Variants in EFCAB8 observed in about 807,000 individuals in gnomAD.
The protein encoded by EFCAB8 is EF-hand calcium binding domain 8, also known as EF-hand calcium-binding domain-containing protein 8.
A neutral mutation model predicts 116.3 loss-of-function variants in EFCAB8; 100 were observed. The ratio of observed to expected loss-of-function variants is 0.86; its 90% CI spans 0.73 to 1.02. The LOEUF is 1.02. Among genes scored for constraint, EFCAB8 ranks in the 50% least tolerant of loss-of-function variants. The pLI, the probability that EFCAB8 is intolerant of heterozygous loss-of-function variation, is 0.00. For missense variants in EFCAB8, 1,320 were observed against 1,416.9 expected (o/e 0.93, Z 1.10); for synonymous variants, 558 against 567.9 (o/e 0.98, Z 0.25).
intron 5 of EFCAB8, among the ~76,000 whole-genome samples, chr20:32,883,900 G>A (rs1339271848): frequency 2.6e-5 from 4 of 152,004 alleles, no homozygotes; most frequent in East Asian, 3.9e-4. Context: ...CACGTTGGCC[G>A]GGCTGGTCTT....
intron 11 of EFCAB8, among the ~76,000 whole-genome samples, chr20:32,901,085 C>A (rs1986404969): frequency 6.6e-6 from 1 of 152,234 alleles, no homozygotes; most frequent in Non-Finnish European, 1.5e-5. Context: ...AAAAAGGGGC[C>A]TCCGGGAATG....
chr20:32,953,392 G>A (rs1316200675), intron 23 of EFCAB8, among the ~76,000 whole-genome samples: 1 of 152,126 alleles, frequency 6.6e-6, no homozygotes, highest in East Asian at 1.9e-4. Context: ...CATTTTTTGA[G>A]GAACCTCCAT....
chr20:32,950,839 T>C (rs988099530), intron 23 of EFCAB8, among the ~76,000 whole-genome samples: 1 of 152,186 alleles, frequency 6.6e-6, no homozygotes, highest in African/African-American at 2.4e-5. Flanking sequence ...TCTGCTCTTT[T>C]TGGCTGCTTG....
At chr20:32,863,712 C>G in intron 1 of EFCAB8, 71 bp from the exon 2 acceptor site, 1 of 1,469,026 alleles carries the variant, frequency 6.8e-7, no homozygotes, top group Non-Finnish European at 9.2e-7. Flanking sequence ...TTTCTGTGAC[C>G]TGGCTAAGTC....
chr20:32,950,296 C>T (rs956664860), intron 23 of EFCAB8, among the ~76,000 whole-genome samples: 4 of 152,106 alleles, frequency 2.6e-5, no homozygotes, highest in Non-Finnish European at 4.4e-5. Flanking sequence ...GATAAAGCTC[C>T]TATTTAGAAT....
intron 13 of EFCAB8, 115 bp from the exon 14 acceptor site, chr20:32,908,160 G>C: frequency 4.9e-6 from 5 of 1,022,374 alleles, no homozygotes; most frequent in Non-Finnish European, 6.3e-6. Flanking sequence ...TGTTAGAAGT[G>C]CTTGGACGGA....
chr20:32,887,761 C>G (rs1408165234), intron 6 of EFCAB8, among the ~76,000 whole-genome samples: 3 of 152,256 alleles, frequency 2.0e-5, no homozygotes, highest in Admixed American at 2.0e-4. Flanking sequence ...TGTCTGTGCA[C>G]ATGCTACACG....
intron 10 of EFCAB8, 149 bp from the exon 11 acceptor site, chr20:32,898,344 G>A (rs1986263889): frequency 3.4e-6 from 2 of 580,864 alleles, no homozygotes; most frequent in Non-Finnish European, 6.3e-6. Flanking sequence ...GGATTGCGGG[G>A]CCACATCACT....
intron 20 of EFCAB8, among the ~76,000 whole-genome samples, chr20:32,923,002 G>C (rs1028189246): frequency 6.6e-6 from 1 of 152,138 alleles, no homozygotes; most frequent in African/African-American, 2.4e-5. Flanking sequence ...TGGGCAACAT[G>C]ATGAGACCTC....
chr20:32,901,714 G>A (rs1986437116), intron 11 of EFCAB8, among the ~76,000 whole-genome samples: 2 of 152,248 alleles, frequency 1.3e-5, no homozygotes, highest in South Asian at 2.1e-4. Flanking sequence ...TTGAGACAGA[G>A]TCTTGCTGCA....
chr20:32,886,790 T>C (rs570820841), intron 6 of EFCAB8, among the ~76,000 whole-genome samples: 1 of 152,328 alleles, frequency 6.6e-6, no homozygotes, highest in Admixed American at 6.5e-5. Flanking sequence ...GCCTGGATTC[T>C]TCCTGGAGGG....
intron 11 of EFCAB8, among the ~76,000 whole-genome samples, chr20:32,906,216 A>G (rs963235477): frequency 3.3e-5 from 5 of 152,124 alleles, no homozygotes; most frequent in African/African-American, 1.2e-4. Context: ...TGATGTGAAA[A>G]TCAAATTTGC....
At chr20:32,875,476 A>G (rs1984913584) in intron 3 of EFCAB8, among the ~76,000 whole-genome samples, 2 of 145,158 alleles carry the variant, frequency 1.4e-5, no homozygotes, top group Non-Finnish European at 3.0e-5. Context: ...ACTGCCTTGA[A>G]CTGAGCACAC....
chr20:32,867,801 C>A, intron 3 of EFCAB8, 54 bp downstream of exon 3: 3 of 1,524,126 alleles, frequency 2.0e-6, no homozygotes, highest in Non-Finnish European at 2.7e-6. Context: ...CAGGGCAGGA[C>A]CGAGTACCTG....
chr20:32,868,149 A>G (rs1984518598), intron 3 of EFCAB8, among the ~76,000 whole-genome samples: 1 of 151,934 alleles, frequency 6.6e-6, no homozygotes, highest in African/African-American at 2.4e-5. Flanking sequence ...GTCTGGGACT[A>G]CTGGGCTCAA....
At chr20:32,886,349 G>A (rs1985629023) in intron 6 of EFCAB8, among the ~76,000 whole-genome samples, 1 of 152,172 alleles carries the variant, frequency 6.6e-6, no homozygotes, top group Non-Finnish European at 1.5e-5. Flanking sequence ...GTGAGAAGAT[G>A]CTCAGGAGAA....
Position 32,911,548 on chromosome 20 carries a change from G to A in EFCAB8, c.1626G>A (p.Glu542=). 6.5e-7 allele frequency: 1 copy of A among 1,536,272 alleles called. No homozygotes were observed. Among genetic ancestry groups the A allele is most frequent in the Non-Finnish European group, 8.8e-7 (1 of 1,137,392 alleles). The part of the protein sequence containing the change: ...WEVVTGRKTM[E]FAVSGGQHVE... Reference sequence around the variant, plus strand: ...TCGTGACGGGCAGGAAGACGATGGAGTTTGCTGTGTCTGGGGGCCAGCACG... The same window carrying A: ...TCGTGACGGGCAGGAAGACGATGGAATTTGCTGTGTCTGGGGGCCAGCACG... Residue 542 remains glutamate (E), a synonymous_variant, in exon 16 of 27, where the codon GAG becomes GAA. Transcript: ENST00000400522.
intron 3 of EFCAB8, among the ~76,000 whole-genome samples, chr20:32,871,977 C>T (rs975026698): frequency 9.2e-5 from 14 of 152,188 alleles, no homozygotes; most frequent in South Asian, 2.1e-4. Context: ...TCATGGCCTG[C>T]CCCCTGGCAT....
rs968954243 is a variant in EFCAB8 at position 32,943,718 on chromosome 20, T to A, written c.2873T>A (p.Ile958Asn). 2 of 416,920 alleles carry A rather than the reference T, an allele frequency of 4.8e-6. No homozygotes were observed. Among genetic ancestry groups the A allele is most frequent in the Non-Finnish European group, 8.8e-6 (2 of 226,438 alleles). The allele number at this position is 416,920 out of a possible 1,614,324, so 25.8% of individuals were successfully genotyped here. A position where few individuals can be genotyped will look rare whatever the true frequency, so the allele number is the denominator to read the frequency against. ...GGCCATTTGAATAGTGTGGCAGACATCCTGTATGTGGACAACTTCCAGCTG... is the reference window on the plus strand; with the variant it reads ...GGCCATTTGAATAGTGTGGCAGACAACCTGTATGTGGACAACTTCCAGCTG... ...WKGHLNSVAD[I>N]LYVDNFQLVI... The change falls in exon 23 of 27, where the codon ATC becomes AAC. Residue 958 changes from isoleucine (I) to asparagine (N), a missense_variant. Ile to Asn is a moderately radical substitution (Grantham distance 149). Coordinates refer to ENST00000400522, the MANE Select transcript of EFCAB8 (RefSeq NM_001143967.2).
Sources: allele counts gnomAD v4.1 joint callset (sites outside exome capture counted in the v4.1 genomes callset), GRCh38; gene constraint gnomAD v4.1.1; transcripts MANE v1.5; gene names NCBI Gene and HGNC (gene_info 2026-07-23, HGNC 2026-07-21).